COL12A1: variants seen among roughly 807,000 people sequenced by gnomAD.
The protein encoded by COL12A1 is collagen type XII alpha 1 chain.
COL12A1 carries 114 observed loss-of-function variants against 349.7 expected under a neutral mutation model. The observed-to-expected ratio is 0.33, with a 90% CI of 0.28 to 0.38. The LOEUF (loss-of-function observed/expected upper bound fraction) is 0.38. Among genes scored for constraint, COL12A1 ranks in the 10% least tolerant of loss-of-function variants. The probability of loss-of-function intolerance (pLI) is 1.00; values close to 1 mark genes in which losing one functional copy is unlikely to be tolerated. For missense variants in COL12A1, 3,284 were observed against 3,756.9 expected, an observed-to-expected ratio of 0.87 and a Z score of 3.29; for synonymous variants, 1,369 against 1,329.0, an observed-to-expected ratio of 1.03 and a Z score of -0.66.
At chr6:75,144,455 C>T (rs1767074575) in intron 25 of COL12A1, among the ~76,000 whole-genome samples, 1 of 152,110 alleles carries the variant, frequency 6.6e-6, no homozygotes, top group African/African-American at 2.4e-5. Flanking sequence ...TCCCTTTTTC[C>T]TCCTTGAAGT....
chr6:75,110,636 C>T (rs1768792461), intron 51 of COL12A1, among the ~76,000 whole-genome samples: 1 of 151,914 alleles, frequency 6.6e-6, no homozygotes, highest in Non-Finnish European at 1.5e-5. Context: ...CACATGAATC[C>T]ATGTCATCTT....
At chr6:75,160,528 CA>C (rs1353066419) in intron 14 of COL12A1, among the ~76,000 whole-genome samples, 1 of 152,138 alleles carries the variant, frequency 6.6e-6, no homozygotes, top group Admixed American at 6.5e-5. Flanking sequence ...ACTTTCTAAA[CA>C]ACAACAAAGT....
chr6:75,174,905 T>C (rs1197503691), intron 13 of COL12A1, 133 bp downstream of exon 13: 2 of 1,059,668 alleles, frequency 1.9e-6, no homozygotes, highest in Non-Finnish European at 1.3e-6. Context: ...TGGTTATTTG[T>C]TTTTCAATAT....
chr6:75,175,740 C>T (rs1257327804), intron 12 of COL12A1, among the ~76,000 whole-genome samples: 4 of 148,272 alleles, frequency 2.7e-5, no homozygotes, highest in Admixed American at 2.6e-4. Flanking sequence ...CTAAAGGTAA[C>T]AGGAGCGAAT....
intron 56 of COL12A1, among the ~76,000 whole-genome samples, 157 bp from the exon 57 acceptor site, chr6:75,102,209 AC>A (rs1433414835): frequency 6.6e-6 from 1 of 152,206 alleles, no homozygotes; most frequent in Non-Finnish European, 1.5e-5. Flanking sequence ...AGATGAATAA[AC>A]CTTTTTTGAA....
chr6:75,158,912 T>A (rs1014593153), intron 14 of COL12A1, among the ~76,000 whole-genome samples: 1 of 152,008 alleles, frequency 6.6e-6, no homozygotes, highest in Non-Finnish European at 1.5e-5. Flanking sequence ...GTGTAATTAA[T>A]TGGAGTACCT....
At position 75,137,545 on chromosome 6, in the gene COL12A1, G is replaced by A; in HGVS notation, c.5286C>T (p.Tyr1762=). The change falls in exon 31 of 66, where the codon TAC becomes TAT. Residue 1762 remains tyrosine, a synonymous_variant. Coordinates refer to ENST00000322507, the MANE Select transcript of COL12A1 (RefSeq NM_004370.6). The part of the protein sequence containing the change: ...PKSGPRNLQV[Y]NATSNSLTVK... ...CAGTCAGGCTGTTAGATGTTGCATT[G>A]TACACTTGAAGGTTTCGTGGGCCAC... The A allele has an allele frequency of 6.2e-7, 1 of 1,613,804 alleles. No homozygotes were observed. The highest frequency in any genetic ancestry group is 8.5e-7 in the Non-Finnish European group (1 of 1,179,852).
rs200141559 is a variant in COL12A1, at chr6:75,189,308, C to T, written c.732G>A (p.Val244=). 1.1e-4 allele frequency: 173 copies of T among 1,613,064 alleles called. No individual in the cohort carries two copies. The highest frequency in any genetic ancestry group is 3.3e-5 in the Admixed American group (2 of 59,872). ...SAGARVGFPK[V]AIIITDGKSQ... is the part of the protein sequence containing the mutation. ...ATTTTCCATCCGTAATAATAATTGCCACTTTAGGAAAGCCAACTCTTGCCC... is the reference window on the plus strand; with the variant it reads ...ATTTTCCATCCGTAATAATAATTGCTACTTTAGGAAAGCCAACTCTTGCCC... The change falls in exon 7 of 66, where the codon GTG becomes GTA. Residue 244 remains valine, a synonymous_variant. Coordinates refer to ENST00000322507, the MANE Select transcript of COL12A1 (RefSeq NM_004370.6).
At chr6:75,098,925 A>C (rs1325170516) in intron 58 of COL12A1, among the ~76,000 whole-genome samples, 1 of 152,130 alleles carries the variant, frequency 6.6e-6, no homozygotes, top group African/African-American at 2.4e-5. Flanking sequence ...GGAATGAGTC[A>C]TCCTGCTACC....
rs765497889 is a variant in COL12A1 at position 75,175,042 on chromosome 6, A to C, written c.2706T>G (p.Leu902=). ...AGAAAATATGATGGTAATTACCTTC[A>C]AGTGTTGTTCCTTCACCAAAGAGGG... ...GDALFGEGTT[L]EERGSPQDLV... is the part of the protein sequence containing the mutation. The change falls in exon 13 of 66, where the codon CTT becomes CTG. Residue 902 remains leucine, a synonymous_variant. Transcript: ENST00000322507. The C allele has an allele frequency of 3.1e-6, 5 of 1,613,934 alleles. No homozygotes were observed. Among genetic ancestry groups the C allele is most frequent in the Non-Finnish European group, 4.2e-6 (5 of 1,179,926 alleles).
chr6:75,179,937 T>C (rs1769176015), intron 11 of COL12A1, among the ~76,000 whole-genome samples: 1 of 152,224 alleles, frequency 6.6e-6, no homozygotes. Context: ...GTGCACACCA[T>C]GTTCATAGCA....
chr6:75,152,467 G>A lies in COL12A1; in HGVS notation c.3581C>T (p.Thr1194Ile), dbSNP rs1367110089. 1.2e-6 allele frequency: 2 copies of A among 1,613,250 alleles called. No homozygotes were observed. The highest frequency in any genetic ancestry group is 1.7e-6 in the Non-Finnish European group (2 of 1,179,604). Residue 1194 changes from threonine to isoleucine, a missense_variant, in exon 18 of 66, where the codon ACC (threonine) becomes ATC (isoleucine). Physicochemically the swap from Thr to Ile is moderately conservative, Grantham distance 89. This residue lies in a region of COL12A1 where 2,601 missense variants were observed against 2,824.8 expected (regional missense o/e 0.92). Coordinates refer to ENST00000322507, the MANE Select transcript of COL12A1 (RefSeq NM_004370.6). Reference protein sequence around the residue: ...PILSSGMECLTRAEADIVLLV... With the variant: ...PILSSGMECLIRAEADIVLLV... ...CAACACAATGTCTGCCTCAGCTCTGGTGAGACACTCCATCCCTGACATGGC... is the reference window on the plus strand; with the variant it reads ...CAACACAATGTCTGCCTCAGCTCTGATGAGACACTCCATCCCTGACATGGC...
At chr6:75,198,124 T>TAA (rs1770327082) in intron 2 of COL12A1, among the ~76,000 whole-genome samples, 2 of 152,250 alleles carry the variant, frequency 1.3e-5, no homozygotes, top group Admixed American at 6.5e-5. Context: ...TACAGTTTTC[T>TAA]ACTGTACTAG....
chr6:75,102,710 G>A lies in COL12A1; in HGVS notation c.8320-18C>T. On this transcript the variant is annotated intron_variant, in intron 55 of 65. Coordinates refer to ENST00000322507, the MANE Select transcript of COL12A1 (RefSeq NM_004370.6). ...GGGGGCCCCTAAAATACACAAGAGA[G>A]AGACAACCACAAAGTAATGTAATAC... 1.3e-6 allele frequency: 2 copies of A among 1,498,650 alleles called. No homozygotes were observed. The highest frequency in any genetic ancestry group is 1.8e-6 in the Non-Finnish European group (2 of 1,121,270). 92.8% of individuals were successfully genotyped at this position (1,498,650 alleles called of 1,614,324 possible).
Position 75,130,980 on chromosome 6 carries a change from A to T in COL12A1, c.5939T>A (p.Ile1980Lys). Residue 1980 changes from isoleucine to lysine, a missense_variant and splice_region_variant, in exon 36 of 66, where the codon ATA becomes AAA. Ile to Lys is a moderately radical substitution (Grantham distance 102). This residue lies in a region of COL12A1 where 2,601 missense variants were observed against 2,824.8 expected (regional missense o/e 0.92). Transcript: ENST00000322507. ...PVDGTRPSESIVVPGNTRMVH... is the reference protein window; with the variant it reads ...PVDGTRPSESKVVPGNTRMVH... ...CATGCGCGTGTTTCCTGGCACTACT[A>T]TCTGCAGGAGAGGAAATGCCAAATT... The T allele has an allele frequency of 6.2e-7, 1 of 1,614,136 alleles. No homozygotes were observed. The highest frequency in any genetic ancestry group is 8.5e-7 in the Non-Finnish European group (1 of 1,179,984).
chr6:75,121,390 C>T lies in COL12A1; in HGVS notation c.6998G>A (p.Ser2333Asn). Reference protein sequence around the residue: ...DIVFLTDASWSIGDDNFNKVV... With the variant: ...DIVFLTDASWNIGDDNFNKVV... ...TTTGTTAAAATTATCGTCCCCAATGCTCCAGGAGGCATCAGTCAAGAACAC... is the reference window on the plus strand; with the variant it reads ...TTTGTTAAAATTATCGTCCCCAATGTTCCAGGAGGCATCAGTCAAGAACAC... The change falls in exon 44 of 66, where the codon AGC becomes AAC. Residue 2333 changes from serine to asparagine, a missense_variant. Physicochemically the swap from Ser to Asn is conservative, Grantham distance 46. Transcript: ENST00000322507. 6.2e-7 allele frequency: 1 copy of T among 1,611,672 alleles called. No homozygotes were observed. The highest frequency in any genetic ancestry group is 8.5e-7 in the Non-Finnish European group (1 of 1,178,318).
Position 75,095,175 on chromosome 6 carries a change from C to T in COL12A1, c.8582G>A (p.Ser2861Asn), listed in dbSNP as rs148065232. The T allele has an allele frequency of 1.3e-3, 2,105 of 1,613,720 alleles. 29 individuals carry two copies. The highest frequency in any genetic ancestry group is 1.8e-4 in the Non-Finnish European group (210 of 1,179,840). ...GPRGPPGPPGSPGSPGVTGPS... is the reference protein window; with the variant it reads ...GPRGPPGPPGNPGSPGVTGPS... ...TCCTGTGACTCCTGGGGAGCCTGGG[C>T]TTCCCTACAACACATGGAAAGGGAA... Residue 2861 changes from serine to asparagine, a missense_variant, in exon 60 of 66, where the codon AGC becomes AAC. Ser to Asn is a conservative substitution (Grantham distance 46). This residue lies in a region of COL12A1 where 683 missense variants were observed against 932.1 expected (regional missense o/e 0.73). Coordinates refer to ENST00000322507, the MANE Select transcript of COL12A1 (RefSeq NM_004370.6).
intron 27 of COL12A1, among the ~76,000 whole-genome samples, chr6:75,141,004 TC>T (rs1766865187): frequency 6.6e-6 from 1 of 152,226 alleles, no homozygotes; most frequent in African/African-American, 2.4e-5. Context: ...GTAAAATGTC[TC>T]GTTAATAATT....
At chr6:75,179,322 C>T (rs1769139252) in intron 11 of COL12A1, among the ~76,000 whole-genome samples, 1 of 152,088 alleles carries the variant, frequency 6.6e-6, no homozygotes, top group Non-Finnish European at 1.5e-5. Flanking sequence ...GAGACAAGTC[C>T]TCTCTTGAGA....
Sources: allele counts gnomAD v4.1 joint callset (sites outside exome capture counted in the v4.1 genomes callset), GRCh38; gene constraint gnomAD v4.1.1; regional missense constraint gnomAD v4.1.1; transcripts MANE v1.5; gene names NCBI Gene and HGNC (gene_info 2026-07-23, HGNC 2026-07-21).